Variants in RBFOX1 observed in about 807,000 individuals in gnomAD.
The protein encoded by RBFOX1 is RNA binding fox-1 homolog 1.
In RBFOX1, 8 loss-of-function variants were observed where a neutral mutation model predicts 57.7. The ratio of observed to expected loss-of-function variants is 0.14; its 90% CI spans 0.08 to 0.25. RBFOX1 has a LOEUF of 0.25. RBFOX1 is among the 10% of genes least tolerant of loss of function. The pLI, the probability that RBFOX1 is intolerant of heterozygous loss-of-function variation, is 1.00. For missense variants in RBFOX1, 611 were observed against 548.5 expected (o/e 1.11, Z -1.14); for synonymous variants, 326 against 222.4 (o/e 1.47, Z -4.15).
At chr16:7,676,127 A>C (rs2073197731) in intron 13 of RBFOX1, among the ~76,000 whole-genome samples, 2 of 152,304 alleles carry the variant, frequency 1.3e-5, no homozygotes, top group South Asian at 4.1e-4. Flanking sequence ...TTTCCACACC[A>C]AACAAATTCT....
Position 7,619,549 on chromosome 16 carries a change from C to G in RBFOX1, c.677-11054C>G, listed in dbSNP as rs191359674. Among the ~76,000 whole-genome samples the G allele has an allele frequency of 3.6e-3, 544 of 152,272 alleles. 3 individuals carry two copies. The highest frequency in any genetic ancestry group is 0.013 in the African/African-American group (524 of 41,556). On this transcript the variant is annotated intron_variant, in intron 10 of 15. Coordinates refer to ENST00000550418, the MANE Select transcript of RBFOX1 (RefSeq NM_018723.4). ...AATTCAAGATGAAGGATCTCATCCT[C>G]ATTCCACAAATAGAGTCCCTCCTAA... is the stretch of plus-strand genomic sequence containing the variant.
chr16:6,723,718 T>C (rs2066507636), intron 3 of RBFOX1: 2 of 151,346 alleles, frequency 1.3e-5, no homozygotes, highest in African/African-American at 4.9e-5. Context: ...GAAAGCTGCA[T>C]CTGTCTCGTG....
chr16:7,398,601 T>G (rs2098181859), intron 4 of RBFOX1, among the ~76,000 whole-genome samples: 1 of 152,266 alleles, frequency 6.6e-6, no homozygotes, highest in South Asian at 2.1e-4. Context: ...CTTCAATCTC[T>G]CTAACATTTC....
chr16:5,907,974 C>T (rs1003205920), intron 4 of RBFOX1, among the ~76,000 whole-genome samples: 3 of 151,768 alleles, frequency 2.0e-5, no homozygotes, highest in Non-Finnish European at 4.4e-5. Context: ...TGATCTCAAA[C>T]TGCTGACCTC....
At position 7,630,582 on chromosome 16, in the gene RBFOX1, ATC is replaced by A. The variant is rs371317235; in HGVS notation, c.677-9_677-8del. Reference sequence around the variant, plus strand: ...TGTACCGATTCCCAAACCAGATACCATCTCTCTCTCTCTTTCGTAGGCACGGT... The same window carrying A: ...TGTACCGATTCCCAAACCAGATACCATCTCTCTCTCTTTCGTAGGCACGGT... On this transcript the variant is annotated intron_variant, in intron 10 of 15. Coordinates refer to ENST00000550418, the MANE Select transcript of RBFOX1 (RefSeq NM_018723.4). The A allele has an allele frequency of 1.1e-4, 169 of 1,587,170 alleles. 1 individual carries two copies. Among genetic ancestry groups the A allele is most frequent in the South Asian group, 3.0e-4 (27 of 88,550 alleles).
intron 4 of RBFOX1, among the ~76,000 whole-genome samples, chr16:5,911,556 C>G (rs1158333042): frequency 1.3e-5 from 2 of 152,186 alleles, no homozygotes; most frequent in African/African-American, 4.8e-5. Context: ...TGTTCGTGCA[C>G]CATGCACTAA....
At chr16:6,173,083 T>C (rs1389326490) in intron 1 of RBFOX1, among the ~76,000 whole-genome samples, 2 of 152,142 alleles carry the variant, frequency 1.3e-5, no homozygotes, top group Non-Finnish European at 2.9e-5. Flanking sequence ...TACGATGATA[T>C]TAGGCCCACC....
chr16:7,576,419 A>T (rs973636817), intron 5 of RBFOX1, among the ~76,000 whole-genome samples: 1 of 152,108 alleles, frequency 6.6e-6, no homozygotes, highest in Non-Finnish European at 1.5e-5. Flanking sequence ...TTCACTCCTC[A>T]ACCTCTACTT....
chr16:7,500,035 A>C (rs1019981499), intron 4 of RBFOX1, among the ~76,000 whole-genome samples: 24 of 152,162 alleles, frequency 1.6e-4, no homozygotes, highest in African/African-American at 5.5e-4. Context: ...TCCTCAAGTC[A>C]GCCAGGCCCT....
At chr16:7,680,723 G>C (rs1032971949) in intron 14 of RBFOX1, among the ~76,000 whole-genome samples, 12 of 152,096 alleles carry the variant, frequency 7.9e-5, no homozygotes, top group Non-Finnish European at 1.3e-4. Flanking sequence ...TGGATTCTGA[G>C]GCCTTAAAGT....
chr16:7,280,091 G>C (rs1164759123), intron 4 of RBFOX1, among the ~76,000 whole-genome samples: 5 of 152,212 alleles, frequency 3.3e-5, no homozygotes, highest in Admixed American at 3.3e-4. Flanking sequence ...GCTATGGAAA[G>C]AGAGCCAGCT....
chr16:6,431,896 G>GCTTGCTTTCTTT (rs1491277692), intron 2 of RBFOX1, among the ~76,000 whole-genome samples: 1,385 of 128,110 alleles, frequency 0.011, 10 homozygotes, highest in South Asian at 0.013. Context: ...TTGCTTGCTT[G>GCTTGCTTTCTTT]CTTTCTTTCT....
intron 3 of RBFOX1, among the ~76,000 whole-genome samples, chr16:5,672,412 G>T (rs940175249): frequency 2.6e-5 from 4 of 152,222 alleles, no homozygotes; most frequent in African/African-American, 9.6e-5. Flanking sequence ...TCCTGCTCCA[G>T]GGCCTTTGCA....
At chr16:6,539,267 G>A (rs185763841) in intron 2 of RBFOX1, among the ~76,000 whole-genome samples, 66 of 152,224 alleles carry the variant, frequency 4.3e-4, no homozygotes, top group Non-Finnish European at 5.0e-4. Context: ...ATAAGCATGG[G>A]CAGGTCCTTC....
chr16:7,025,226 C>A, intron 3 of RBFOX1, among the ~76,000 whole-genome samples: 1 of 152,198 alleles, frequency 6.6e-6, no homozygotes, highest in South Asian at 2.1e-4. Context: ...CATGTCTCCC[C>A]TTTTTAGACC....
chr16:5,241,179 GTTGCTCCCGGATGCTGTGTGGGAGGC>G (rs537880368), intron 1 of RBFOX1, among the ~76,000 whole-genome samples: 14 of 152,314 alleles, frequency 9.2e-5, no homozygotes, highest in African/African-American at 2.4e-4. Flanking sequence ...CAGTCTTGGG[GTTGCTCCCGGATGCTGTGTGGGAGGC>G]TTGCTCCTGG....
intron 3 of RBFOX1, among the ~76,000 whole-genome samples, chr16:6,817,689 C>G (rs376875488): frequency 2.6e-5 from 4 of 151,796 alleles, no homozygotes; most frequent in South Asian, 2.1e-4. Flanking sequence ...GGCGACAGAG[C>G]CAAACTCTGT....
At chr16:5,866,828 T>G (rs1047796107) in intron 3 of RBFOX1, among the ~76,000 whole-genome samples, 10 of 152,206 alleles carry the variant, frequency 6.6e-5, no homozygotes, top group African/African-American at 9.7e-5. Context: ...CAACTCTATT[T>G]CACAATATTT....
At position 6,275,984 on chromosome 16, in the gene RBFOX1, C is replaced by A. The variant is rs377107535; in HGVS notation, c.-126-41011C>A. On this transcript the variant is annotated intron_variant, in intron 1 of 15. Coordinates refer to ENST00000550418, the MANE Select transcript of RBFOX1 (RefSeq NM_018723.4). ...CATTGCCTTAATTCATTGATTGATG[C>A]TGGTACTGCAGGTGTTGGATTATTA... is the stretch of plus-strand genomic sequence containing the variant. Among the ~76,000 whole-genome samples, 24 of 152,234 alleles carry A rather than the reference C, an allele frequency of 1.6e-4. No individual in the cohort carries two copies. The East Asian group carries it at 3.5e-3, about 22-fold the overall frequency.
Sources: gnomAD v4.1 joint callset for allele counts (sites outside exome capture counted in the v4.1 genomes callset) on GRCh38, gnomAD v4.1.1 for gene constraint, MANE v1.5 for transcripts, NCBI Gene and HGNC (gene_info 2026-07-23, HGNC 2026-07-21) for gene names.